NAALADL2: variants seen among roughly 807,000 people sequenced by gnomAD.
NAALADL2 encodes N-acetylated alpha-linked acidic dipeptidase like 2.
NAALADL2 carries 76 observed loss-of-function variants against 87.2 expected under a neutral mutation model. That is an observed-to-expected ratio of 0.87 (90% CI 0.72 to 1.05). The LOEUF is 1.05. Ranked by LOEUF, NAALADL2 falls within the 50% of genes least tolerant of loss-of-function variation. NAALADL2 has a pLI of 0.00. For missense variants in NAALADL2, 1,089 were observed against 945.8 expected, an observed-to-expected ratio of 1.15 and a Z score of -1.99; for synonymous variants, 354 against 331.0, an observed-to-expected ratio of 1.07 and a Z score of -0.75.
In NAALADL2 at chr3:175,471,791, T is replaced by G. The variant is rs772025042; in HGVS notation, c.1653+33T>G. On this transcript the variant is annotated intron_variant, in intron 9 of 13. Transcript: ENST00000454872. ...AAACCACTATTGTATCAAATGATTA[T>G]GCAAAACCGACCTTTTCTCTATATT... 1.9e-6 allele frequency: 3 copies of G among 1,550,684 alleles called. No individual in the cohort carries two copies. In the Admixed American group the frequency reaches 6.6e-5, roughly 34 times the overall value.
intron 1 of NAALADL2, among the ~76,000 whole-genome samples, chr3:175,019,306 G>T (rs1322812344): frequency 1.3e-5 from 2 of 151,922 alleles, no homozygotes; most frequent in Admixed American, 6.6e-5. Flanking sequence ...CAATTATTAA[G>T]AAAATTATAA....
At chr3:175,553,899 T>A (rs560525958) in intron 9 of NAALADL2, among the ~76,000 whole-genome samples, 1 of 152,128 alleles carries the variant, frequency 6.6e-6, no homozygotes, top group Non-Finnish European at 1.5e-5. Flanking sequence ...GGGGCTTTTA[T>A]GGAGTATGCA....
intron 1 of NAALADL2, among the ~76,000 whole-genome samples, chr3:174,953,297 T>TCCTCTCCCCCC (rs1740651836): frequency 1.5e-4 from 9 of 59,316 alleles, no homozygotes; most frequent in Admixed American, 5.0e-4. Context: ...CTTTCTTGCC[T>TCCTCTCCCCCC]CCCCTCCCCT....
intron 11 of NAALADL2, among the ~76,000 whole-genome samples, chr3:175,719,877 G>A (rs762096469): frequency 1.3e-5 from 2 of 152,176 alleles, no homozygotes; most frequent in African/African-American, 2.4e-5. Flanking sequence ...CTGATTCACA[G>A]AAGGTGCCTT....
intron 1 of NAALADL2, among the ~76,000 whole-genome samples, chr3:174,505,906 A>G (rs1719173511): frequency 6.6e-6 from 1 of 152,186 alleles, no homozygotes; most frequent in Non-Finnish European, 1.5e-5. Context: ...ACAAAGAGGA[A>G]AATGAAACTT....
intron 3 of NAALADL2, among the ~76,000 whole-genome samples, chr3:174,797,298 C>CTTTTTTTTTTTGTTTTTTT (rs765233495): frequency 1.0e-5 from 1 of 97,728 alleles, no homozygotes; most frequent in Non-Finnish European, 1.9e-5. Flanking sequence ...TTTTGTTTTT[C>CTTTTTTTTTTTGTTTTTTT]TTTTTTCTTT....
chr3:175,320,710 C>A (rs1309944915), intron 4 of NAALADL2, among the ~76,000 whole-genome samples: 1 of 152,122 alleles, frequency 6.6e-6, no homozygotes, highest in Admixed American at 6.5e-5. Flanking sequence ...GCAAACACCT[C>A]TACGCAAATA....
chr3:174,899,162 A>G (rs573939564), intron 1 of NAALADL2, among the ~76,000 whole-genome samples: 35 of 152,316 alleles, frequency 2.3e-4, no homozygotes, highest in African/African-American at 8.2e-4. Context: ...GCAAGAACTA[A>G]ACTAGGATGC....
intron 9 of NAALADL2, among the ~76,000 whole-genome samples, chr3:175,517,443 A>G (rs531549661): frequency 1.8e-4 from 27 of 152,338 alleles, no homozygotes; most frequent in African/African-American, 6.5e-4. Context: ...TTTCTGATAT[A>G]CAAGAATATT....
chr3:175,028,824 A>G (rs551717436), intron 1 of NAALADL2, among the ~76,000 whole-genome samples: 1 of 151,914 alleles, frequency 6.6e-6, no homozygotes, highest in East Asian at 1.9e-4. Context: ...TAATTCTGTT[A>G]TTTACAAATT....
chr3:174,590,895 A>T (rs1717292611), intron 2 of NAALADL2, among the ~76,000 whole-genome samples: 1 of 152,194 alleles, frequency 6.6e-6, no homozygotes, highest in African/African-American at 2.4e-5. Flanking sequence ...GGAAAAAAAA[A>T]AACTTAAAGA....
At chr3:175,779,776 G>T (rs1750759654) in intron 13 of NAALADL2, among the ~76,000 whole-genome samples, 1 of 152,198 alleles carries the variant, frequency 6.6e-6, no homozygotes, top group South Asian at 2.1e-4. Context: ...AGTAATACAA[G>T]GTTTTCTATC....
chr3:175,790,314 T>TA (rs1417774246), intron 13 of NAALADL2, among the ~76,000 whole-genome samples: 1 of 152,180 alleles, frequency 6.6e-6, no homozygotes, highest in Admixed American at 6.5e-5. Flanking sequence ...TTCAAGTCAC[T>TA]ACCACCAGTT....
chr3:175,403,613 AAAT>A (rs1711765120), intron 5 of NAALADL2, among the ~76,000 whole-genome samples: 1 of 152,140 alleles, frequency 6.6e-6, no homozygotes, highest in African/African-American at 2.4e-5. Flanking sequence ...GTTAAAAGGA[AAAT>A]AATGACAAAT....
intron 2 of NAALADL2, among the ~76,000 whole-genome samples, chr3:175,145,231 C>G (rs1730576499): frequency 6.6e-6 from 1 of 152,056 alleles, no homozygotes; most frequent in South Asian, 2.1e-4. Context: ...GTTCAGTCAC[C>G]TCCTCTAGAT....
In NAALADL2 at chr3:175,808,847, GA is replaced by G. The variant is rs1754921215; in HGVS notation, c.*5645del. 6.6e-6 allele frequency: 1 copy of G among 151,512 alleles called. No individual in the cohort carries two copies. Among genetic ancestry groups the G allele is most frequent in the Non-Finnish European group, 1.5e-5 (1 of 67,924 alleles). 9.4% of individuals were successfully genotyped at this position (151,512 alleles called of 1,614,324 possible). ...GAATAGAAGCTTAGCTAGAGAAGTGGAGTTAGAGTCCCTATTTTAATGAACT... is the reference window on the plus strand; with the variant it reads ...GAATAGAAGCTTAGCTAGAGAAGTGGGTTAGAGTCCCTATTTTAATGAACT... On this transcript the variant is annotated 3_prime_UTR_variant, in exon 14 of 14. Coordinates refer to ENST00000454872, the MANE Select transcript of NAALADL2 (RefSeq NM_207015.3).
chr3:175,021,484 A>G (rs1021979207), intron 1 of NAALADL2, among the ~76,000 whole-genome samples: 9 of 152,124 alleles, frequency 5.9e-5, no homozygotes, highest in Non-Finnish European at 1.5e-5. Flanking sequence ...CAACACACCC[A>G]TAGTATGAAA....
chr3:175,391,669 G>T (rs1769092969), intron 5 of NAALADL2, among the ~76,000 whole-genome samples: 1 of 152,158 alleles, frequency 6.6e-6, no homozygotes, highest in Non-Finnish European at 1.5e-5. Flanking sequence ...TTGACCTAAA[G>T]AAACTGTAAA....
intron 2 of NAALADL2, among the ~76,000 whole-genome samples, chr3:174,613,476 G>A (rs985617102): frequency 6.6e-6 from 1 of 152,150 alleles, no homozygotes; most frequent in Non-Finnish European, 1.5e-5. Flanking sequence ...TAGTGTGGCT[G>A]AGCTGGCACT....
Sources: allele counts gnomAD v4.1 joint callset (sites outside exome capture counted in the v4.1 genomes callset), GRCh38; gene constraint gnomAD v4.1.1; transcripts MANE v1.5; gene names NCBI Gene and HGNC (gene_info 2026-07-23, HGNC 2026-07-21).